The following CNBD1 variants were observed in gnomAD, a reference collection of about 807,000 sequenced individuals.
CNBD1 encodes the protein cyclic nucleotide binding domain containing 1.
CNBD1 carries 71 observed loss-of-function variants against 54.4 expected under a neutral mutation model. The observed-to-expected ratio is 1.30, with a 90% confidence interval of 1.08 to 1.59. The LOEUF is 1.59. Among genes scored for constraint, CNBD1 ranks in the 40% most tolerant of loss-of-function variants. The pLI is 0.00. For missense variants in CNBD1, 659 were observed against 518.0 expected (o/e 1.27, Z -2.64); for synonymous variants, 182 against 170.7 (o/e 1.07, Z -0.51).
At chr8:87,385,138 G>T (rs1045332766), downstream of CNBD1, among the ~76,000 whole-genome samples, 22 of 152,108 alleles carry the variant, frequency 1.4e-4, no homozygotes, top group Admixed American at 9.2e-4. Flanking sequence ...AATGATGGGG[G>T]TGGAGCCAAG....
intron 4 of CNBD1, among the ~76,000 whole-genome samples, chr8:87,192,177 T>C (rs1813625561): frequency 6.6e-6 from 1 of 152,156 alleles, no homozygotes; most frequent in Non-Finnish European, 1.5e-5. Flanking sequence ...CATAGACAAC[T>C]AATTCATAAA....
At chr8:87,397,043 C>T (rs1335461801) in intron 2 of CNBD1, among the ~76,000 whole-genome samples, 1 of 151,632 alleles carries the variant, frequency 6.6e-6, no homozygotes, top group East Asian at 1.9e-4. Context: ...TAGAGGCAAG[C>T]TTTTAAAATA....
At chr8:87,277,664 A>G (rs943137647) in intron 6 of CNBD1, among the ~76,000 whole-genome samples, 2 of 151,784 alleles carry the variant, frequency 1.3e-5, no homozygotes, top group Admixed American at 1.3e-4. Context: ...GAACCAAAAC[A>G]CTGTCCTAAA....
downstream of CNBD1, among the ~76,000 whole-genome samples, chr8:87,386,508 G>A (rs1427856836): frequency 6.6e-6 from 1 of 152,098 alleles, no homozygotes; most frequent in Non-Finnish European, 1.5e-5. Flanking sequence ...GGAAGAATGG[G>A]TATCAGTGAT....
intron 5 of CNBD1, among the ~76,000 whole-genome samples, chr8:87,233,640 C>G (rs182585941): frequency 3.4e-4 from 51 of 152,206 alleles, no homozygotes; most frequent in Non-Finnish European, 4.6e-4. Context: ...AATTCTCTCT[C>G]TCTCTCTCCT....
intron 4 of CNBD1, among the ~76,000 whole-genome samples, chr8:87,026,587 ACT>A (rs1267753248): frequency 6.6e-6 from 1 of 152,162 alleles, no homozygotes; most frequent in Non-Finnish European, 1.5e-5. Context: ...TTAAAAAATA[ACT>A]AGTCATTTTA....
chr8:87,130,302 A>C (rs768661509), intron 4 of CNBD1, among the ~76,000 whole-genome samples: 3 of 152,190 alleles, frequency 2.0e-5, no homozygotes, highest in Non-Finnish European at 4.4e-5. Flanking sequence ...AAATATACTG[A>C]GACTTATTTT....
chr8:86,902,144 A>G (rs1808948335), intron 2 of CNBD1, among the ~76,000 whole-genome samples: 1 of 152,138 alleles, frequency 6.6e-6, no homozygotes, highest in African/African-American at 2.4e-5. Context: ...ATCTACCTTA[A>G]AGTCTTCTGT....
intron 2 of CNBD1, among the ~76,000 whole-genome samples, chr8:87,392,853 A>T (rs1811335393): frequency 6.6e-6 from 1 of 151,880 alleles, no homozygotes; most frequent in Non-Finnish European, 1.5e-5. Flanking sequence ...TTTCTAAGAG[A>T]TGATGATGTC....
chr8:87,245,088 G>A (rs1048448163), intron 6 of CNBD1, among the ~76,000 whole-genome samples: 8 of 151,894 alleles, frequency 5.3e-5, no homozygotes, highest in South Asian at 2.1e-4. Flanking sequence ...TCCGATCATC[G>A]AAACATTTAA....
intron 4 of CNBD1, among the ~76,000 whole-genome samples, chr8:87,069,210 C>A (rs1380617426): frequency 1.3e-5 from 2 of 151,744 alleles, no homozygotes; most frequent in African/African-American, 2.4e-5. Context: ...TTATTGTTAC[C>A]CTGGCTGCCT....
intron 4 of CNBD1, among the ~76,000 whole-genome samples, chr8:87,113,391 A>G (rs1811703261): frequency 6.6e-6 from 1 of 152,186 alleles, no homozygotes; most frequent in Non-Finnish European, 1.5e-5. Flanking sequence ...AACCTTTCTG[A>G]CTGTTTCCTC....
At chr8:87,162,037 T>G (rs1812868580) in intron 4 of CNBD1, among the ~76,000 whole-genome samples, 1 of 152,100 alleles carries the variant, frequency 6.6e-6, no homozygotes, top group South Asian at 2.1e-4. Context: ...GTGGGAGAAT[T>G]ACTCTGAACA....
At chr8:87,291,727 T>C (rs1808789942) in intron 8 of CNBD1, among the ~76,000 whole-genome samples, 1 of 152,106 alleles carries the variant, frequency 6.6e-6, no homozygotes, top group South Asian at 2.1e-4. Context: ...CAAGTGATCA[T>C]TCAACCTCAG....
chr8:87,057,753 G>A (rs985357967), intron 4 of CNBD1, among the ~76,000 whole-genome samples: 3 of 152,104 alleles, frequency 2.0e-5, no homozygotes, highest in Non-Finnish European at 2.9e-5. Context: ...GGAGGCTGAG[G>A]CAGGAGAATC....
At chr8:86,997,729 T>A (rs915449032) in intron 4 of CNBD1, among the ~76,000 whole-genome samples, 2 of 152,152 alleles carry the variant, frequency 1.3e-5, no homozygotes, top group African/African-American at 4.8e-5. Flanking sequence ...CCTAAGGAGT[T>A]ACCACTGGGA....
intron 4 of CNBD1, among the ~76,000 whole-genome samples, chr8:86,994,227 AGCTGCAACTGT>A (rs1296209083): frequency 6.6e-6 from 1 of 152,188 alleles, no homozygotes; most frequent in Non-Finnish European, 1.5e-5. Flanking sequence ...CTTGGAGTTG[AGCTGCAACTGT>A]GCTGAGGAAT....
intron 10 of CNBD1, among the ~76,000 whole-genome samples, chr8:87,363,130 T>A (rs2130938588): frequency 6.6e-6 from 1 of 152,232 alleles, no homozygotes; most frequent in South Asian, 2.1e-4. Flanking sequence ...TGTGTTAGTT[T>A]GCTGAAAATG....
chr8:87,341,503 C>T (rs1810063271), intron 8 of CNBD1, among the ~76,000 whole-genome samples: 1 of 152,106 alleles, frequency 6.6e-6, no homozygotes, highest in Admixed American at 6.5e-5. Context: ...TTCTAATAGT[C>T]TTCTGCTATG....
Sources: gnomAD v4.1 joint callset for allele counts (sites outside exome capture counted in the v4.1 genomes callset) on GRCh38, gnomAD v4.1.1 for gene constraint, MANE v1.5 for transcripts, NCBI Gene and HGNC (gene_info 2026-07-23, HGNC 2026-07-21) for gene names.